Variants in ABHD2 observed in about 807,000 individuals in gnomAD.
ABHD2 encodes the protein abhydrolase domain containing 2, acylglycerol lipase, also known as monoacylglycerol lipase ABHD2.
Under a neutral mutation model 48.1 loss-of-function variants are expected in ABHD2, and 20 were observed. That is an observed-to-expected ratio of 0.42 (90% CI 0.29 to 0.60). The LOEUF (loss-of-function observed/expected upper bound fraction) is 0.60, where lower values mean the gene tolerates loss of function less well. ABHD2 is among the 20% of genes least tolerant of loss of function. ABHD2 has a pLI of 0.24. For missense variants in ABHD2, 405 were observed against 550.9 expected, an observed-to-expected ratio of 0.74 and a Z score of 2.65; for synonymous variants, 209 against 214.2, an observed-to-expected ratio of 0.98 and a Z score of 0.21.
Position 89,152,043 on chromosome 15 carries a change from C to G in ABHD2, c.370+191C>G, listed in dbSNP as rs188140107. On this transcript the variant is annotated intron_variant, in intron 4 of 10. Coordinates refer to ENST00000352732, the MANE Select transcript of ABHD2 (RefSeq NM_152924.5). ...AGCTTCAGCGTATGTTTGCCAGTCACCATGTAAAGCTCTTCAGAACTCATT... is the reference window on the plus strand; with the variant it reads ...AGCTTCAGCGTATGTTTGCCAGTCAGCATGTAAAGCTCTTCAGAACTCATT... Among the ~76,000 whole-genome samples, 225 of 152,152 alleles carry G rather than the reference C, an allele frequency of 1.5e-3. 1 individual carries two copies. Among genetic ancestry groups the G allele is most frequent in the African/African-American group, 4.0e-3 (166 of 41,532 alleles).
the ABHD2 span, among the ~76,000 whole-genome samples, chr15:89,046,998 A>G: frequency 1.3e-5 from 2 of 151,184 alleles, no homozygotes; most frequent in African/African-American, 4.9e-5. Flanking sequence ...TAGGGTTTCA[A>G]TTTTGGATCT....
chr15:89,177,604 T>A lies in ABHD2; in HGVS notation c.722+1609T>A, dbSNP rs2051036604. ...AGTGGTCTCTCCAGCTGCTCTCGCG[T>A]TCCAGGACCAGGCTAGTCCCCCATC... On this transcript the variant is annotated intron_variant, in intron 6 of 10. Transcript: ENST00000352732. This position sits in a 1 kb window ranked among gnomAD's most constrained non-coding sequence, Gnocchi z 5.6. Among the ~76,000 whole-genome samples the A allele has an allele frequency of 6.6e-6, 1 of 152,154 alleles. No homozygotes were observed. The highest frequency in any genetic ancestry group is 6.5e-5 in the Admixed American group (1 of 15,274).
intron 1 of ABHD2, among the ~76,000 whole-genome samples, chr15:89,089,056 C>A (rs887281763): frequency 1.3e-5 from 2 of 152,242 alleles, no homozygotes; most frequent in African/African-American, 2.4e-5. Context: ...AGCTTTTGAC[C>A]CACTTGGAAG....
In ABHD2 at chr15:89,182,529, T is replaced by G. The variant is rs1185142718; in HGVS notation, c.723-2895T>G. On this transcript the variant is annotated intron_variant, in intron 6 of 10. Transcript: ENST00000352732. The surrounding 1 kb of genome is among the most constrained non-coding windows in gnomAD (Gnocchi z 4.8). ...GGCCAGGTGAAGTGCCTCACGCCTGTAATTCCAACACTTTGGAAGGAGGCC... is the reference window on the plus strand; with the variant it reads ...GGCCAGGTGAAGTGCCTCACGCCTGGAATTCCAACACTTTGGAAGGAGGCC... Among the ~76,000 whole-genome samples the G allele has an allele frequency of 6.6e-6, 1 of 152,180 alleles. No individual in the cohort carries two copies. The highest frequency in any genetic ancestry group is 2.4e-5 in the African/African-American group (1 of 41,444).
rs2150961786 is a variant in ABHD2, at chr15:89,198,413, TTA to T, written c.*2992_*2993del. The T allele has an allele frequency of 6.6e-6, 1 of 152,378 alleles. No homozygotes were observed. Among genetic ancestry groups the T allele is most frequent in the South Asian group, 2.1e-4 (1 of 4,826 alleles). The allele number at this position is 152,378 out of a possible 1,614,324, so 9.4% of individuals were successfully genotyped here. ...ATGGTGTCAAGTTTCTTTAATGTTT[TTA>T]TGTTAGAAGTGAGTTTAACAGACTT... On this transcript the variant is annotated 3_prime_UTR_variant, in exon 11 of 11. Coordinates refer to ENST00000352732, the MANE Select transcript of ABHD2 (RefSeq NM_152924.5). The surrounding 1 kb of genome is among the most constrained non-coding windows in gnomAD (Gnocchi z 5.1).
rs56131657 is a variant in ABHD2 at position 89,145,755 on chromosome 15, C to T, written c.195-5922C>T. Among the ~76,000 whole-genome samples, 930 of 152,312 alleles carry T rather than the reference C, an allele frequency of 6.1e-3. 7 individuals carry two copies. Among genetic ancestry groups the T allele is most frequent in the Non-Finnish European group, 0.011 (719 of 68,028 alleles). Reference sequence around the variant, plus strand: ...GGCATCCCTTTTAGTTGCCGTACTCCTGGGACATTGACCTTTGAGTAGGGT... The same window carrying T: ...GGCATCCCTTTTAGTTGCCGTACTCTTGGGACATTGACCTTTGAGTAGGGT... On this transcript the variant is annotated intron_variant, in intron 3 of 10. Transcript: ENST00000352732.
At position 89,184,880 on chromosome 15, in the gene ABHD2, C is replaced by T. The variant is rs760128900; in HGVS notation, c.723-544C>T. On this transcript the variant is annotated intron_variant, in intron 6 of 10. Transcript: ENST00000352732. This position sits in a 1 kb window ranked among gnomAD's most constrained non-coding sequence, Gnocchi z 5.1. Reference sequence around the variant, plus strand: ...GGCCTGTCTACTTCCACTTCGATTTCCTTGCCTCTTCAATGGTATAAGGCT... The same window carrying T: ...GGCCTGTCTACTTCCACTTCGATTTTCTTGCCTCTTCAATGGTATAAGGCT... Among the ~76,000 whole-genome samples the T allele has an allele frequency of 5.8e-4, 89 of 152,232 alleles. No individual in the cohort carries two copies. Among genetic ancestry groups the T allele is most frequent in the Non-Finnish European group, 1.1e-3 (78 of 68,052 alleles).
chr15:89,157,766 C>G (rs1009944252), intron 5 of ABHD2, among the ~76,000 whole-genome samples: 4 of 151,936 alleles, frequency 2.6e-5, no homozygotes, highest in African/African-American at 9.7e-5. Context: ...TGGCGTGAAC[C>G]TGGGAGGTGG....
Position 89,186,904 on chromosome 15 carries a change from C to T in ABHD2, c.816-1289C>T, listed in dbSNP as rs753902346. 6.6e-6 allele frequency among the ~76,000 whole-genome samples: 1 copy of T among 152,220 alleles called. No individual in the cohort carries two copies. The highest frequency in any genetic ancestry group is 2.1e-4 in the South Asian group (1 of 4,830). ...GGGCTTGAAGGCCCCATCAGGCTGC[C>T]ACGTTGCCAAACATGTCCTTGTGTC... On this transcript the variant is annotated intron_variant, in intron 7 of 10. Coordinates refer to ENST00000352732, the MANE Select transcript of ABHD2 (RefSeq NM_152924.5). The surrounding 1 kb of genome is among the most constrained non-coding windows in gnomAD (Gnocchi z 4.3).
chr15:89,121,512 C>T (rs1467514425), intron 3 of ABHD2, among the ~76,000 whole-genome samples: 4 of 151,106 alleles, frequency 2.6e-5, no homozygotes, highest in Non-Finnish European at 5.9e-5. Flanking sequence ...GTAAAATATA[C>T]AAATCTTAAG....
rs568566212 is a variant in ABHD2 at position 89,196,892 on chromosome 15, C to T, written c.*1469C>T. 10 of 152,696 alleles carry T rather than the reference C, an allele frequency of 6.5e-5. No individual in the cohort carries two copies. The South Asian group carries it at 2.1e-3, about 32-fold the overall frequency. The allele number at this position is 152,696 out of a possible 1,614,324, so 9.5% of individuals were successfully genotyped here. A position where few individuals can be genotyped will look rare whatever the true frequency, so the allele number is the denominator to read the frequency against. ...CTGTGGTACTTGAATATCCAAAAAC[C>T]CTGCACTTTGAACAATCAGCTGTTG... On this transcript the variant is annotated 3_prime_UTR_variant, in exon 11 of 11. Coordinates refer to ENST00000352732, the MANE Select transcript of ABHD2 (RefSeq NM_152924.5).
intron 1 of ABHD2, among the ~76,000 whole-genome samples, chr15:89,099,791 C>G (rs1033086737): frequency 6.6e-5 from 10 of 152,062 alleles, no homozygotes; most frequent in African/African-American, 2.2e-4. Context: ...GTGGTCCCAG[C>G]TACTCGGGAG....
chr15:89,063,832 A>G, the ABHD2 span, among the ~76,000 whole-genome samples: 9 of 151,852 alleles, frequency 5.9e-5, no homozygotes, highest in Admixed American at 5.3e-4. Flanking sequence ...ATGGAAGACA[A>G]TTTTTCCACG....
chr15:89,155,444 G>C lies in ABHD2; in HGVS notation c.448G>C (p.Ala150Pro). The change falls in exon 5 of 11, where the codon GCC (alanine) becomes CCC (proline). Residue 150 changes from alanine to proline, a missense_variant. Physicochemically the swap from Ala to Pro is conservative, Grantham distance 27 (BLOSUM62 -1). Transcript: ENST00000352732. This position sits in a 1 kb window ranked among gnomAD's most constrained non-coding sequence, Gnocchi z 4.9. ...ATACATCCGCACTTTCGTTGACTAC[G>C]CCCAGAAAAATGGCTATCGGTGCGC... is the stretch of plus-strand genomic sequence containing the variant. ...KQYIRTFVDY[A>P]QKNGYRCAVL... The C allele has an allele frequency of 6.2e-7, 1 of 1,614,074 alleles. No homozygotes were observed. The highest frequency in any genetic ancestry group is 8.5e-7 in the Non-Finnish European group (1 of 1,180,004).
In ABHD2 at chr15:89,140,035, C is replaced by T. The variant is rs544265590; in HGVS notation, c.195-11642C>T. On this transcript the variant is annotated intron_variant, in intron 3 of 10. Transcript: ENST00000352732. The stretch of plus-strand genomic sequence containing the variant: ...TTCCCAGGATGATGTAACACCTCTG[C>T]GTTTTGCCTCAGTGGCTGAAGAGTC... Among the ~76,000 whole-genome samples the T allele has an allele frequency of 4.6e-5, 7 of 152,208 alleles. No homozygotes were observed. In the East Asian group the frequency reaches 9.6e-4, roughly 21 times the overall value.
chr15:89,070,858 TG>T, the ABHD2 span, among the ~76,000 whole-genome samples: 314 of 152,246 alleles, frequency 2.1e-3, 1 homozygote, highest in East Asian at 0.02. Flanking sequence ...GTCTTAGTCC[TG>T]CCCCTGGAGG....
chr15:89,135,663 C>T (rs2050297512), intron 3 of ABHD2: 1 of 1,552,030 alleles, frequency 6.4e-7, no homozygotes, highest in East Asian at 2.3e-5. Flanking sequence ...TTTTTTGCTG[C>T]AGCAGGCTTT....
chr15:89,091,637 G>A lies in ABHD2; in HGVS notation c.-107+3074G>A, dbSNP rs72760634. ...GGAAATAATTTCTTTGGTCTTATGG[G>A]AGACAGGGGTAGAGTCTGTCTTATT... On this transcript the variant is annotated intron_variant, in intron 1 of 10. Coordinates refer to ENST00000352732, the MANE Select transcript of ABHD2 (RefSeq NM_152924.5). This position sits in a 1 kb window ranked among gnomAD's most constrained non-coding sequence, Gnocchi z 5.5. Among the ~76,000 whole-genome samples the A allele has an allele frequency of 9.2e-5, 14 of 152,302 alleles. No individual in the cohort carries two copies. Among genetic ancestry groups the A allele is most frequent in the Non-Finnish European group, 1.8e-4 (12 of 68,024 alleles).
chr15:89,126,820 C>G (rs774214444), intron 3 of ABHD2, among the ~76,000 whole-genome samples: 1 of 152,152 alleles, frequency 6.6e-6, no homozygotes. Context: ...CAGTCTTCTT[C>G]AGCAGCATCA....
Sources: gnomAD v4.1 joint callset for allele counts (sites outside exome capture counted in the v4.1 genomes callset) on GRCh38, gnomAD v4.1.1 for gene constraint, Gnocchi (gnomAD v3.1) non-coding constraint, MANE v1.5 for transcripts, NCBI Gene and HGNC (gene_info 2026-07-23, HGNC 2026-07-21) for gene names.